Variants in TDP1 observed in about 807,000 individuals in gnomAD.
The protein encoded by TDP1 is tyrosyl-DNA phosphodiesterase 1.
In TDP1, 64 loss-of-function variants were observed where a neutral mutation model predicts 81.5. The observed-to-expected ratio is 0.79, with a 90% confidence interval of 0.64 to 0.97. TDP1 has a LOEUF of 0.97. TDP1 is among the 50% of genes least tolerant of loss of function. TDP1 has a pLI of 0.00. For synonymous variants in TDP1, 256 were observed against 264.3 expected (o/e 0.97, Z 0.30); for missense variants, 723 against 743.8 (o/e 0.97, Z 0.33).
intron 6 of TDP1, chr14:89,975,407 C>T: frequency 2.0e-6 from 2 of 985,344 alleles, no homozygotes; most frequent in South Asian, 9.4e-5. Flanking sequence ...GCTCTGAAAA[C>T]TGTGTACCAT....
Position 89,985,266 on chromosome 14 carries a change from T to G in TDP1, c.1131+56T>G, listed in dbSNP as rs1895430317. ...TAAAAAATTTAATGTATATTCTCTCTTTTAAAATAATTATATATTTTGATG... is the reference window on the plus strand; with the variant it reads ...TAAAAAATTTAATGTATATTCTCTCGTTTAAAATAATTATATATTTTGATG... On this transcript the variant is annotated intron_variant, in intron 10 of 16. Transcript: ENST00000335725. 4.0e-6 allele frequency: 4 copies of G among 999,924 alleles called. No homozygotes were observed. In the Admixed American group the frequency reaches 8.6e-5, roughly 22 times the overall value. The allele number at this position is 999,924 out of a possible 1,614,324, so 61.9% of individuals were successfully genotyped here. A position where few individuals can be genotyped will look rare whatever the true frequency, so the allele number is the denominator to read the frequency against.
At chr14:89,989,677 T>C in intron 11 of TDP1, 40 bp from the exon 12 acceptor site, 8 of 1,486,712 alleles carry the variant, frequency 5.4e-6, no homozygotes, top group Non-Finnish European at 7.5e-6. Context: ...TTCTTCAACA[T>C]GGTACATTCC....
intron 2 of TDP1, among the ~76,000 whole-genome samples, chr14:89,957,450 A>T (rs36120348): frequency 1.2e-3 from 180 of 152,278 alleles, no homozygotes; most frequent in African/African-American, 4.3e-3. Flanking sequence ...CCAAGTGCAC[A>T]TTTACTCCCT....
chr14:90,018,099 T>C (rs994781809), intron 14 of TDP1, among the ~76,000 whole-genome samples: 1 of 151,174 alleles, frequency 6.6e-6, no homozygotes, highest in African/African-American at 2.4e-5. Context: ...TCTTACTTGG[T>C]CGTTGTTTTT....
At chr14:89,998,390 A>G (rs1462936992) in intron 14 of TDP1, among the ~76,000 whole-genome samples, 1 of 85,156 alleles carries the variant, frequency 1.2e-5, no homozygotes, top group African/African-American at 6.5e-5. Flanking sequence ...ATATATATAT[A>G]TATATATATA....
intron 5 of TDP1, among the ~76,000 whole-genome samples, chr14:89,969,531 A>C (rs1893343211): frequency 6.6e-6 from 1 of 152,176 alleles, no homozygotes; most frequent in Admixed American, 6.5e-5. Flanking sequence ...TAATCTTTTT[A>C]ATAACATGAC....
intron 3 of TDP1, among the ~76,000 whole-genome samples, chr14:89,964,625 T>C (rs1388817251): frequency 6.6e-6 from 1 of 152,234 alleles, no homozygotes; most frequent in Non-Finnish European, 1.5e-5. Context: ...GATGTATACA[T>C]GTTGGAGTAT....
At chr14:90,016,915 A>C (rs536516932) in intron 14 of TDP1, among the ~76,000 whole-genome samples, 1 of 151,826 alleles carries the variant, frequency 6.6e-6, no homozygotes. Context: ...TAAATACCCC[A>C]CCCCTCTTTA....
At position 89,985,648 on chromosome 14, in the gene TDP1, C is replaced by T. The variant is rs561223823; in HGVS notation, c.1131+438C>T. On this transcript the variant is annotated intron_variant, in intron 10 of 16. Transcript: ENST00000335725. ...ACAAATTCAAAAATAATACTTGCTG[C>T]TGATATGAAAATGCACGAAGAAAGG... 1.5e-3 allele frequency among the ~76,000 whole-genome samples: 230 copies of T among 152,276 alleles called. 4 individuals are homozygous for T. The highest frequency in any genetic ancestry group is 2.8e-4 in the Non-Finnish European group (19 of 68,020).
Position 89,963,260 on chromosome 14 carries a change from C to T in TDP1, c.146C>T (p.Ser49Phe). Residue 49 changes from serine to phenylalanine, a missense_variant, in exon 3 of 17, where the codon TCC becomes TTC. Transcript: ENST00000335725. ...GCAAATGAGCCCAGGTACACCTGTT[C>T]CGAGGCCCAGAAAGCTGCACACAAG... ...GAANEPRYTCSEAQKAAHKRK... is the reference protein window; with the variant it reads ...GAANEPRYTCFEAQKAAHKRK... 2 of 1,614,140 alleles carry T rather than the reference C, an allele frequency of 1.2e-6. No homozygotes were observed. The highest frequency in any genetic ancestry group is 1.7e-6 in the Non-Finnish European group (2 of 1,180,018).
chr14:89,979,590 T>A (rs774072714), intron 7 of TDP1, among the ~76,000 whole-genome samples: 11 of 152,180 alleles, frequency 7.2e-5, no homozygotes, highest in Non-Finnish European at 1.0e-4. Flanking sequence ...ATTACAGGCA[T>A]GAGCCACCGT....
intron 14 of TDP1, among the ~76,000 whole-genome samples, chr14:89,994,855 G>A (rs180691859): frequency 6.6e-6 from 1 of 152,288 alleles, no homozygotes; most frequent in East Asian, 1.9e-4. Context: ...TGAGGACAAA[G>A]GCCATGGAGG....
chr14:89,963,303 G>A lies in TDP1; in HGVS notation c.189G>A (p.Val63=). The change falls in exon 3 of 17, where the codon GTG becomes GTA. Residue 63 remains valine, a synonymous_variant. Coordinates refer to ENST00000335725, the MANE Select transcript of TDP1 (RefSeq NM_018319.4). ...CACACAAGAGGAAAATATCACCTGT[G>A]AAATTCAGCAATACAGATTCAGTTT... is the stretch of plus-strand genomic sequence containing the variant. The part of the protein sequence containing the change: ...KAAHKRKISP[V]KFSNTDSVLP... The A allele has an allele frequency of 1.2e-6, 2 of 1,614,206 alleles. No homozygotes were observed. The highest frequency in any genetic ancestry group is 1.7e-6 in the Non-Finnish European group (2 of 1,180,038).
intron 2 of TDP1, among the ~76,000 whole-genome samples, chr14:89,957,909 C>T (rs140142270): frequency 0.015 from 2,304 of 152,306 alleles, 27 homozygotes; most frequent in Non-Finnish European, 0.019. Context: ...GGTGCCCTGC[C>T]CACTCAGCCT....
chr14:89,962,891 AAAAAG>A (rs1350605572), intron 2 of TDP1: 2 of 984,984 alleles, frequency 2.0e-6, no homozygotes, highest in Non-Finnish European at 2.4e-6. Context: ...AAAAGGAAGA[AAAAAG>A]AAAGGTGACC....
chr14:89,977,586 C>T (rs759150733), intron 7 of TDP1, among the ~76,000 whole-genome samples: 2 of 152,252 alleles, frequency 1.3e-5, no homozygotes, highest in Non-Finnish European at 2.9e-5. Context: ...GCGTGAGCCA[C>T]CGCACCTAGC....
chr14:89,978,214 C>T (rs988903070), intron 7 of TDP1, among the ~76,000 whole-genome samples: 1 of 152,230 alleles, frequency 6.6e-6, no homozygotes, highest in East Asian at 1.9e-4. Flanking sequence ...CCTGTGAAAC[C>T]ATGTGTGGTG....
intron 14 of TDP1, among the ~76,000 whole-genome samples, chr14:90,017,479 G>A (rs1885453558): frequency 6.6e-6 from 1 of 152,190 alleles, no homozygotes; most frequent in Admixed American, 6.5e-5. Flanking sequence ...TAAAAGGAGG[G>A]ATTGGAGGAA....
At chr14:89,959,419 A>G (rs1892069922) in intron 2 of TDP1, among the ~76,000 whole-genome samples, 1 of 152,252 alleles carries the variant, frequency 6.6e-6, no homozygotes, top group South Asian at 2.1e-4. Flanking sequence ...TAAAAGTTTG[A>G]TATTGGTGTT....
Sources: gnomAD v4.1 joint callset for allele counts (sites outside exome capture counted in the v4.1 genomes callset) on GRCh38, gnomAD v4.1.1 for gene constraint, MANE v1.5 for transcripts, NCBI Gene and HGNC (gene_info 2026-07-23, HGNC 2026-07-21) for gene names.